SGCZ: variants seen among roughly 807,000 people sequenced by gnomAD.
SGCZ encodes sarcoglycan zeta.
In SGCZ, 40 loss-of-function variants were observed where a neutral mutation model predicts 41.3. That is an observed-to-expected ratio of 0.97 (90% CI 0.75 to 1.26). The LOEUF is 1.26. SGCZ is among the 50% of genes most tolerant of loss of function. The pLI, the probability that SGCZ is intolerant of heterozygous loss-of-function variation, is 0.00. For missense variants in SGCZ, 552 were observed against 369.8 expected, an observed-to-expected ratio of 1.49 and a Z score of -4.04; for synonymous variants, 206 against 137.5, an observed-to-expected ratio of 1.50 and a Z score of -3.49.
At chr8:14,469,775 A>G (rs984608078) in intron 2 of SGCZ, among the ~76,000 whole-genome samples, 5 of 152,070 alleles carry the variant, frequency 3.3e-5, no homozygotes, top group Admixed American at 2.0e-4. Context: ...TACATAATAA[A>G]GCCCTTATAA....
chr8:15,093,304 G>C (rs1428449729), intron 1 of SGCZ, among the ~76,000 whole-genome samples: 3 of 152,162 alleles, frequency 2.0e-5, no homozygotes, highest in Admixed American at 6.5e-5. Flanking sequence ...TGAGTCATTT[G>C]TACTTCTCAT....
intron 1 of SGCZ, among the ~76,000 whole-genome samples, chr8:14,581,406 G>A (rs969112203): frequency 6.6e-6 from 1 of 151,552 alleles, no homozygotes. Flanking sequence ...GAGCCACTGC[G>A]CCCGGCCTTT....
At chr8:15,202,633 C>G (rs1206418386) in intron 1 of SGCZ, among the ~76,000 whole-genome samples, 1 of 151,526 alleles carries the variant, frequency 6.6e-6, no homozygotes, top group Non-Finnish European at 1.5e-5. Context: ...CAACCTGTTC[C>G]CCAAAAACCT....
At chr8:14,612,177 C>A (rs1194047841) in intron 1 of SGCZ, among the ~76,000 whole-genome samples, 4 of 151,956 alleles carry the variant, frequency 2.6e-5, no homozygotes. Flanking sequence ...GGCTCTGTGT[C>A]CCCACCCAAA....
chr8:15,032,704 C>T (rs1263934578), intron 1 of SGCZ, among the ~76,000 whole-genome samples: 1 of 152,124 alleles, frequency 6.6e-6, no homozygotes, highest in Non-Finnish European at 1.5e-5. Context: ...GATTCAGATG[C>T]CTGGCCAACC....
At chr8:14,998,406 T>C (rs1270216584) in intron 1 of SGCZ, among the ~76,000 whole-genome samples, 1 of 152,234 alleles carries the variant, frequency 6.6e-6, no homozygotes, top group Admixed American at 6.5e-5. Context: ...TTAGTTTATA[T>C]ATACATTTGT....
chr8:15,092,154 T>C (rs1245830114), intron 1 of SGCZ, among the ~76,000 whole-genome samples: 1 of 152,212 alleles, frequency 6.6e-6, no homozygotes, highest in African/African-American at 2.4e-5. Flanking sequence ...CTTACAGTCA[T>C]GGAACATAAA....
intron 1 of SGCZ, among the ~76,000 whole-genome samples, chr8:14,783,047 T>G (rs765136209): frequency 6.6e-6 from 1 of 152,176 alleles, no homozygotes; most frequent in African/African-American, 2.4e-5. Flanking sequence ...ATTCAAATGT[T>G]TTACAAATTT....
intron 1 of SGCZ, among the ~76,000 whole-genome samples, chr8:14,959,862 T>TA (rs1429189644): frequency 6.6e-6 from 1 of 152,144 alleles, no homozygotes; most frequent in Admixed American, 6.6e-5. Flanking sequence ...GAGGACAACA[T>TA]ACAGGGAGCA....
At chr8:14,698,009 T>G (rs1406811833) in intron 1 of SGCZ, among the ~76,000 whole-genome samples, 1 of 152,032 alleles carries the variant, frequency 6.6e-6, no homozygotes, top group Non-Finnish European at 1.5e-5. Context: ...GGAATTATTT[T>G]CATTTCAAAA....
chr8:14,247,192 G>C (rs899185122), intron 3 of SGCZ, among the ~76,000 whole-genome samples: 1 of 152,020 alleles, frequency 6.6e-6, no homozygotes, highest in Non-Finnish European at 1.5e-5. Flanking sequence ...GTTTAGTCAC[G>C]GTTATGAATT....
intron 1 of SGCZ, among the ~76,000 whole-genome samples, chr8:14,746,869 C>A (rs999621928): frequency 6.6e-6 from 1 of 152,088 alleles, no homozygotes; most frequent in Non-Finnish European, 1.5e-5. Flanking sequence ...ACATAAGCAT[C>A]TTTCAACTGT....
intron 4 of SGCZ, among the ~76,000 whole-genome samples, chr8:14,191,285 C>G (rs1585216740): frequency 6.6e-6 from 1 of 151,834 alleles, no homozygotes; most frequent in African/African-American, 2.4e-5. Context: ...AATCCATATG[C>G]TGCCTTTTCA....
intron 4 of SGCZ, among the ~76,000 whole-genome samples, chr8:14,221,053 A>AAT (rs1806176125): frequency 1.3e-5 from 2 of 152,206 alleles, no homozygotes; most frequent in Non-Finnish European, 2.9e-5. Context: ...AAGTAGAGGT[A>AAT]ACTCATGAAA....
chr8:14,231,037 C>T (rs1214609460), intron 4 of SGCZ, among the ~76,000 whole-genome samples: 5 of 151,980 alleles, frequency 3.3e-5, no homozygotes, highest in Non-Finnish European at 7.4e-5. Flanking sequence ...GAGTATATTG[C>T]ATGAATTAAA....
At chr8:14,523,158 G>C (rs893066595) in intron 2 of SGCZ, among the ~76,000 whole-genome samples, 4 of 151,942 alleles carry the variant, frequency 2.6e-5, no homozygotes, top group African/African-American at 4.8e-5. Context: ...AACCACTTTA[G>C]AGAGTGTTGT....
rs189713290 is a variant in SGCZ, at chr8:14,564,070, T to A, written c.40-9144A>T. Among the ~76,000 whole-genome samples the A allele has an allele frequency of 2.9e-3, 435 of 152,270 alleles. 4 individuals carry two copies. The highest frequency in any genetic ancestry group is 0.01 in the African/African-American group (421 of 41,548). On this transcript the variant is annotated intron_variant, in intron 1 of 7. Coordinates refer to ENST00000382080, the MANE Select transcript of SGCZ (RefSeq NM_139167.4). ...TTCTGTTTAGACCTGTGTTCCCTGT[T>A]ATGGGAAATATGAATATAAAAGAGA...
intron 1 of SGCZ, among the ~76,000 whole-genome samples, chr8:14,862,103 C>T (rs185021181): frequency 5.9e-5 from 9 of 152,098 alleles, no homozygotes; most frequent in East Asian, 5.8e-4. Context: ...TCACTAGTGA[C>T]GACATTAAGT....
chr8:14,946,035 T>C lies in SGCZ; in HGVS notation c.39+291550A>G, dbSNP rs1399549180. On this transcript the variant is annotated intron_variant, in intron 1 of 7. Transcript: ENST00000382080. ...ATATATATATATATATATATATATATATATATATATATATATATATGAATC... is the reference window on the plus strand; with the variant it reads ...ATATATATATATATATATATATATACATATATATATATATATATATGAATC... 5.4e-5 allele frequency among the ~76,000 whole-genome samples: 6 copies of C among 111,312 alleles called. No homozygotes were observed. The East Asian group carries it at 1.7e-3, about 31-fold the overall frequency. The allele number at this position is 111,312 out of a possible 152,430, so 73.0% of individuals were successfully genotyped here.
Sources: gnomAD v4.1 joint callset for allele counts (sites outside exome capture counted in the v4.1 genomes callset) on GRCh38, gnomAD v4.1.1 for gene constraint, MANE v1.5 for transcripts, NCBI Gene and HGNC (gene_info 2026-07-23, HGNC 2026-07-21) for gene names.